LINGO2: variants seen among roughly 807,000 people sequenced by gnomAD.
The protein encoded by LINGO2 is leucine rich repeat and Ig domain containing 2.
Under a neutral mutation model 30.6 loss-of-function variants are expected in LINGO2, and 14 were observed. The ratio of observed to expected loss-of-function variants is 0.46; its 90% CI spans 0.30 to 0.72. The LOEUF (loss-of-function observed/expected upper bound fraction) is 0.72. Ranked by LOEUF, LINGO2 falls within the 30% of genes least tolerant of loss-of-function variation. The probability of loss-of-function intolerance (pLI) is 0.07; values close to 1 mark genes in which losing one functional copy is unlikely to be tolerated. For missense variants in LINGO2, 729 were observed against 751.7 expected, an observed-to-expected ratio of 0.97 and a Z score of 0.35; for synonymous variants, 317 against 288.5, an observed-to-expected ratio of 1.10 and a Z score of -1.00.
chr9:28,521,079 G>T (rs574417531), intron 1 of LINGO2, among the ~76,000 whole-genome samples: 1 of 152,244 alleles, frequency 6.6e-6, no homozygotes, highest in African/African-American at 2.4e-5. Context: ...TTTAGGCCCA[G>T]TAGAGCCTAA....
the LINGO2 span, among the ~76,000 whole-genome samples, chr9:29,070,501 G>A: frequency 6.6e-6 from 1 of 152,120 alleles, no homozygotes; most frequent in East Asian, 1.9e-4. Flanking sequence ...AAGTGAATCA[G>A]TGCAGTTAAA....
At chr9:28,195,002 A>G (rs900399490) in intron 4 of LINGO2, among the ~76,000 whole-genome samples, 3 of 152,080 alleles carry the variant, frequency 2.0e-5, no homozygotes, top group East Asian at 1.9e-4. Flanking sequence ...CCTTAACAGA[A>G]TAAGTGGACA....
At chr9:28,196,392 G>T (rs1000427237) in intron 4 of LINGO2, among the ~76,000 whole-genome samples, 2 of 151,716 alleles carry the variant, frequency 1.3e-5, no homozygotes, top group African/African-American at 4.8e-5. Context: ...AGTAATAAGA[G>T]ACTCATGAAA....
chr9:28,402,629 G>T (rs182828772), intron 2 of LINGO2, among the ~76,000 whole-genome samples: 2 of 150,136 alleles, frequency 1.3e-5, no homozygotes, highest in Admixed American at 1.3e-4. Flanking sequence ...TTAGGTATCT[G>T]CTCTCCTTCA....
intron 1 of LINGO2, among the ~76,000 whole-genome samples, chr9:28,549,703 T>C (rs946528037): frequency 2.0e-5 from 3 of 151,944 alleles, no homozygotes; most frequent in Non-Finnish European, 4.4e-5. Context: ...AGTTTTAACA[T>C]ATTCATTGTC....
intron 2 of LINGO2, among the ~76,000 whole-genome samples, chr9:28,408,675 C>T (rs946660689): frequency 6.7e-6 from 1 of 149,940 alleles, no homozygotes; most frequent in Non-Finnish European, 1.5e-5. Context: ...TGCTAAATGA[C>T]CAGTTAATGG....
intron 4 of LINGO2, among the ~76,000 whole-genome samples, chr9:28,082,587 T>A (rs1490962520): frequency 6.6e-6 from 1 of 152,206 alleles, no homozygotes; most frequent in African/African-American, 2.4e-5. Flanking sequence ...GGACAAATAC[T>A]AGAGGCTTTG....
chr9:28,463,703 G>A (rs7044907), intron 2 of LINGO2, among the ~76,000 whole-genome samples: 24,098 of 151,876 alleles, frequency 0.16, 2,122 homozygotes, highest in East Asian at 0.36. Flanking sequence ...TCAGGGAAGG[G>A]GAGAGAGCCA....
the LINGO2 span, among the ~76,000 whole-genome samples, chr9:29,201,628 C>G: frequency 1.4e-5 from 2 of 146,872 alleles, no homozygotes; most frequent in Non-Finnish European, 3.0e-5. Context: ...AAAGAGATTT[C>G]AAGTTCATTG....
At chr9:29,178,033 T>C in the LINGO2 span, among the ~76,000 whole-genome samples, 1 of 151,966 alleles carries the variant, frequency 6.6e-6, no homozygotes, top group Non-Finnish European at 1.5e-5. Flanking sequence ...GCTCCTTTTT[T>C]CCTAATACTT....
chr9:29,013,462 C>G, the LINGO2 span, among the ~76,000 whole-genome samples: 11 of 151,714 alleles, frequency 7.3e-5, no homozygotes, highest in Non-Finnish European at 1.2e-4. Context: ...TTAGCATAGA[C>G]CATCCCAAGA....
chr9:29,026,537 T>C, the LINGO2 span, among the ~76,000 whole-genome samples: 1 of 152,176 alleles, frequency 6.6e-6, no homozygotes, highest in Admixed American at 6.5e-5. Flanking sequence ...ACATTTATGC[T>C]ATATTATATG....
At chr9:28,845,140 G>A in the LINGO2 span, among the ~76,000 whole-genome samples, 1 of 151,812 alleles carries the variant, frequency 6.6e-6, no homozygotes, top group Admixed American at 6.6e-5. Flanking sequence ...TAGATATAGA[G>A]TGTAATCATT....
At chr9:28,775,687 G>A in the LINGO2 span, among the ~76,000 whole-genome samples, 1 of 152,132 alleles carries the variant, frequency 6.6e-6, no homozygotes, top group South Asian at 2.1e-4. Flanking sequence ...CATCTGCTAA[G>A]AACTATTAAA....
In LINGO2 at chr9:28,039,195, AACAT is replaced by A. The variant is rs1419747497; in HGVS notation, c.-86-26794_-86-26791del. 2.6e-5 allele frequency among the ~76,000 whole-genome samples: 4 copies of A among 152,340 alleles called. No individual in the cohort carries two copies. In the East Asian group the frequency reaches 5.8e-4, roughly 22 times the overall value. ...GTAGGCCGTGGGCATCTACAAACTG[AACAT>A]ACATAAAGTTGTTTTCTATAAATGT... On this transcript the variant is annotated intron_variant, in intron 4 of 5. Coordinates refer to ENST00000379992, the Ensembl canonical transcript of LINGO2.
At chr9:28,203,653 C>T (rs1436427239) in intron 4 of LINGO2, among the ~76,000 whole-genome samples, 1 of 152,044 alleles carries the variant, frequency 6.6e-6, no homozygotes, top group Non-Finnish European at 1.5e-5. Flanking sequence ...TAATAAACAG[C>T]ATCAAGAAAA....
At chr9:28,046,604 C>T (rs1050249660) in intron 4 of LINGO2, among the ~76,000 whole-genome samples, 1 of 152,172 alleles carries the variant, frequency 6.6e-6, no homozygotes, top group African/African-American at 2.4e-5. Context: ...CTGGCTAATT[C>T]TTAAAGATTT....
intron 1 of LINGO2, among the ~76,000 whole-genome samples, chr9:28,573,862 A>G (rs1243958573): frequency 6.6e-6 from 1 of 152,194 alleles, no homozygotes; most frequent in Admixed American, 6.6e-5. Flanking sequence ...ATGTTAAAAT[A>G]TTGCATAAAC....
the LINGO2 span, among the ~76,000 whole-genome samples, chr9:29,087,401 A>G: frequency 1.3e-5 from 2 of 152,210 alleles, no homozygotes; most frequent in Admixed American, 6.5e-5. Flanking sequence ...TGATGCTGAT[A>G]TTGATTTATC....
Sources: allele counts gnomAD v4.1 joint callset (sites outside exome capture counted in the v4.1 genomes callset), GRCh38; gene constraint gnomAD v4.1.1; transcripts MANE v1.5; gene names NCBI Gene and HGNC (gene_info 2026-07-23, HGNC 2026-07-21).